Variants in TNRC6B observed in about 807,000 individuals in gnomAD.
TNRC6B encodes trinucleotide repeat-containing gene 6B protein.
In TNRC6B, 52 loss-of-function variants were observed where a neutral mutation model predicts 203.6. The observed-to-expected ratio is 0.26, with a 90% CI of 0.20 to 0.32. The LOEUF (loss-of-function observed/expected upper bound fraction) is 0.32, where lower values mean the gene tolerates loss of function less well. TNRC6B is among the 10% of genes least tolerant of loss of function. The pLI, the probability that TNRC6B is intolerant of heterozygous loss-of-function variation, is 1.00. For missense variants in TNRC6B, 1,923 were observed against 2,286.2 expected, an observed-to-expected ratio of 0.84 and a Z score of 3.24; for synonymous variants, 838 against 845.7, an observed-to-expected ratio of 0.99 and a Z score of 0.16.
At chr22:40,308,487 T>C (rs764171479) in intron 15 of TNRC6B, 25 bp from the exon 16 acceptor site, 5 of 1,613,668 alleles carry the variant, frequency 3.1e-6, no homozygotes, top group East Asian at 2.2e-5. Context: ...TGGAGACTTA[T>C]AAAATGTGGT....
chr22:40,135,357 G>C (rs543677695), intron 3 of TNRC6B, among the ~76,000 whole-genome samples: 1 of 152,340 alleles, frequency 6.6e-6, no homozygotes, highest in East Asian at 1.9e-4. Context: ...ACAGCGACTA[G>C]AGTGTTGGGT....
chr22:40,189,647 T>C (rs1007770215), intron 1 of TNRC6B, among the ~76,000 whole-genome samples: 4 of 152,202 alleles, frequency 2.6e-5, no homozygotes, highest in Non-Finnish European at 5.9e-5. Context: ...GTGCCAGGTT[T>C]TTGTTTTTTA....
chr22:40,215,730 A>G (rs2069626181), intron 1 of TNRC6B, among the ~76,000 whole-genome samples: 1 of 152,148 alleles, frequency 6.6e-6, no homozygotes. Context: ...ACTAGTTAAT[A>G]ACTTTATGTC....
intron 1 of TNRC6B, among the ~76,000 whole-genome samples, chr22:40,222,825 T>TA (rs1192942138): frequency 7.2e-6 from 1 of 139,614 alleles, no homozygotes; most frequent in Non-Finnish European, 1.5e-5. Flanking sequence ...ACTGCACCCT[T>TA]ACCTTTGCCT....
intron 3 of TNRC6B, among the ~76,000 whole-genome samples, chr22:40,257,058 C>T (rs1166625709): frequency 3.9e-5 from 6 of 152,094 alleles, no homozygotes; most frequent in African/African-American, 7.2e-5. Flanking sequence ...ACACATTGAC[C>T]GCTCACTGCA....
At chr22:40,055,136 C>T (rs2067782305) in intron 1 of TNRC6B, among the ~76,000 whole-genome samples, 1 of 152,156 alleles carries the variant, frequency 6.6e-6, no homozygotes, top group East Asian at 1.9e-4. Context: ...GGAGCCAGGA[C>T]TACAGAGGTG....
At chr22:40,105,893 TAG>T (rs2068278707) in intron 1 of TNRC6B, among the ~76,000 whole-genome samples, 1 of 152,200 alleles carries the variant, frequency 6.6e-6, no homozygotes, top group African/African-American at 2.4e-5. Flanking sequence ...TTCACACAAG[TAG>T]TGTGTGAAGA....
chr22:40,122,059 T>C (rs2068451597), intron 2 of TNRC6B, among the ~76,000 whole-genome samples: 2 of 152,222 alleles, frequency 1.3e-5, no homozygotes, highest in Non-Finnish European at 2.9e-5. Context: ...TCCCTTGAAT[T>C]TTAGTTCTTG....
chr22:40,228,717 C>G (rs918660762), intron 1 of TNRC6B, among the ~76,000 whole-genome samples: 2 of 151,364 alleles, frequency 1.3e-5, no homozygotes, highest in African/African-American at 4.8e-5. Context: ...GTAGGGACGG[C>G]GTTTCACCAT....
Position 40,277,180 on chromosome 22 carries a change from C to T in TNRC6B, c.3216+29C>T, listed in dbSNP as rs369429784. On this transcript the variant is annotated intron_variant, in intron 8 of 22. Transcript: ENST00000454349. ...AGTTTTATTTTTTTCAAATGTATAA[C>T]GTATCCCAACTTTTAGGTTTAATAT... is the stretch of plus-strand genomic sequence containing the variant. 116 of 1,540,540 alleles carry T rather than the reference C, an allele frequency of 7.5e-5. 1 individual carries two copies. Among genetic ancestry groups the T allele is most frequent in the Non-Finnish European group, 1.0e-4 (113 of 1,129,006 alleles).
At chr22:40,046,107 T>C (rs1021926194) in intron 1 of TNRC6B, among the ~76,000 whole-genome samples, 1 of 152,176 alleles carries the variant, frequency 6.6e-6, no homozygotes, top group Non-Finnish European at 1.5e-5. Context: ...ATATATAAAG[T>C]GTGTAGAAAT....
At chr22:40,154,266 A>G (rs1300675653) in intron 3 of TNRC6B, among the ~76,000 whole-genome samples, 1 of 152,050 alleles carries the variant, frequency 6.6e-6, no homozygotes. Context: ...GATCGAGACC[A>G]TCCTGGCCAA....
chr22:40,097,259 A>C (rs2068192880), intron 1 of TNRC6B, among the ~76,000 whole-genome samples: 1 of 151,996 alleles, frequency 6.6e-6, no homozygotes, highest in Non-Finnish European at 1.5e-5. Context: ...GAAAATGGAA[A>C]ATTCTTGCAT....
chr22:40,260,894 G>A (rs540467653), intron 3 of TNRC6B, among the ~76,000 whole-genome samples: 1 of 152,286 alleles, frequency 6.6e-6, no homozygotes, highest in Admixed American at 6.5e-5. Context: ...GAGAGATTGT[G>A]GAGAATTTGG....
chr22:40,227,484 G>T (rs2069807032), intron 1 of TNRC6B, among the ~76,000 whole-genome samples: 1 of 149,994 alleles, frequency 6.7e-6, no homozygotes, highest in Admixed American at 6.7e-5. Flanking sequence ...CAAGTAGCTG[G>T]GATTACAGGT....
chr22:40,093,477 A>G (rs1405533942), intron 1 of TNRC6B, among the ~76,000 whole-genome samples: 2 of 152,196 alleles, frequency 1.3e-5, no homozygotes, highest in Non-Finnish European at 2.9e-5. Flanking sequence ...AGAAAGAGAA[A>G]TATCACCTGG....
chr22:40,139,665 T>C (rs2068629195), intron 3 of TNRC6B, among the ~76,000 whole-genome samples: 1 of 152,210 alleles, frequency 6.6e-6, no homozygotes, highest in Non-Finnish European at 1.5e-5. Flanking sequence ...AGTTGATGAA[T>C]ATTTGGATGA....
chr22:40,255,426 A>G (rs750218785), intron 3 of TNRC6B, among the ~76,000 whole-genome samples: 3 of 152,172 alleles, frequency 2.0e-5, no homozygotes, highest in Non-Finnish European at 4.4e-5. Context: ...GGTAACCTTG[A>G]GTCTACTCTC....
chr22:40,050,699 G>T (rs2067737019), intron 1 of TNRC6B, among the ~76,000 whole-genome samples: 1 of 152,096 alleles, frequency 6.6e-6, no homozygotes. Flanking sequence ...CTGAATCTCA[G>T]TGTATCTCCA....
Sources: allele counts gnomAD v4.1 joint callset (sites outside exome capture counted in the v4.1 genomes callset), GRCh38; gene constraint gnomAD v4.1.1; transcripts MANE v1.5; gene names NCBI Gene and HGNC (gene_info 2026-07-23, HGNC 2026-07-21).